MIPEP: variants seen among roughly 807,000 people sequenced by gnomAD.
MIPEP encodes mitochondrial intermediate peptidase.
Under a neutral mutation model 90.3 loss-of-function variants are expected in MIPEP, and 79 were observed. The ratio of observed to expected loss-of-function variants is 0.87; its 90% CI spans 0.73 to 1.05. The LOEUF (loss-of-function observed/expected upper bound fraction) is 1.05, where lower values mean the gene tolerates loss of function less well. Among genes scored for constraint, MIPEP ranks in the 50% least tolerant of loss-of-function variants. The pLI is 0.00. For synonymous variants in MIPEP, 334 were observed against 315.8 expected (o/e 1.06, Z -0.61); for missense variants, 940 against 905.6 (o/e 1.04, Z -0.49).
At chr13:23,881,825 A>T in intron 2 of MIPEP, 38 bp from the exon 3 acceptor site, 1 of 1,502,116 alleles carries the variant, frequency 6.7e-7, no homozygotes, top group South Asian at 1.1e-5. Context: ...AGGGAATTTG[A>T]TGAGAAGCTT....
intron 16 of MIPEP, among the ~76,000 whole-genome samples, chr13:23,799,269 C>A (rs1007902107): frequency 6.6e-6 from 1 of 151,842 alleles, no homozygotes; most frequent in Non-Finnish European, 1.5e-5. Flanking sequence ...CTCGGCCTCC[C>A]AAAGTGCTAG....
At chr13:23,782,605 C>A (rs1039839752) in intron 16 of MIPEP, among the ~76,000 whole-genome samples, 7 of 152,072 alleles carry the variant, frequency 4.6e-5, no homozygotes, top group Non-Finnish European at 8.8e-5. Context: ...TAACCAAGAT[C>A]AGAGAAGAAC....
At chr13:23,819,699 T>G (rs1011306482) in intron 14 of MIPEP, among the ~76,000 whole-genome samples, 2 of 151,912 alleles carry the variant, frequency 1.3e-5, no homozygotes, top group African/African-American at 4.8e-5. Context: ...AATTCTCCAC[T>G]TTTTATTAAA....
At chr13:23,878,047 T>G (rs1871139398) in intron 4 of MIPEP, among the ~76,000 whole-genome samples, 1 of 152,242 alleles carries the variant, frequency 6.6e-6, no homozygotes, top group Non-Finnish European at 1.5e-5. Context: ...AATGGTCTGC[T>G]AGCCCACTAC....
At position 23,774,674 on chromosome 13, in the gene MIPEP, GAACGGT is replaced by G. The variant is rs780101616; in HGVS notation, c.1849-14463_1849-14458del. On this transcript the variant is annotated intron_variant, in intron 16 of 18. Transcript: ENST00000382172. ...ACTCTTCCAGATGCTATTGTAAATA[GAACGGT>G]CTTCTTAATTTAATTTTTAGGTTGT... Among the ~76,000 whole-genome samples, 1,469 of 151,508 alleles carry G rather than the reference GAACGGT, an allele frequency of 9.7e-3. 6 individuals carry two copies. Among genetic ancestry groups the G allele is most frequent in the Middle Eastern group, 0.027 (8 of 292 alleles).
At position 23,770,147 on chromosome 13, in the gene MIPEP, T is replaced by C. The variant is rs1952633214; in HGVS notation, c.1849-9930A>G. 2.0e-5 allele frequency among the ~76,000 whole-genome samples: 3 copies of C among 152,182 alleles called. No homozygotes were observed. The South Asian group carries it at 6.2e-4, about 31-fold the overall frequency. On this transcript the variant is annotated intron_variant, in intron 16 of 18. Coordinates refer to ENST00000382172, the MANE Select transcript of MIPEP (RefSeq NM_005932.4). ...ATGGGCTAGGAAAGGGCCTACTGAC[T>C]TCTTTCATTAAACAGGCAAGCAGAA...
chr13:23,745,786 A>C (rs1017516499), intron 18 of MIPEP, among the ~76,000 whole-genome samples: 1 of 151,668 alleles, frequency 6.6e-6, no homozygotes, highest in African/African-American at 2.4e-5. Flanking sequence ...AAATTAGCGA[A>C]GTGTGGTGGT....
In MIPEP at chr13:23,807,399, A is replaced by T. The variant is rs559865111; in HGVS notation, c.1729-1330T>A. Among the ~76,000 whole-genome samples the T allele has an allele frequency of 9.8e-5, 15 of 152,326 alleles. No homozygotes were observed. In the East Asian group the frequency reaches 2.9e-3, roughly 29 times the overall value. On this transcript the variant is annotated intron_variant, in intron 15 of 18. Transcript: ENST00000382172. ...TGTATCTTTGTGATTCAGAAATGGG[A>T]TTTGTAGAGAATGTGCAGCTGTTGA...
chr13:23,888,815 T>G, intron 1 of MIPEP: 1 of 981,720 alleles, frequency 1.0e-6, no homozygotes, highest in Non-Finnish European at 1.3e-6. Context: ...CCTGAGTGTA[T>G]GCAGAGGGCG....
At chr13:23,847,008 G>T (rs1293691286) in intron 10 of MIPEP, among the ~76,000 whole-genome samples, 1 of 151,990 alleles carries the variant, frequency 6.6e-6, no homozygotes, top group Non-Finnish European at 1.5e-5. Flanking sequence ...CCTTCCCAAG[G>T]CTACGACAAC....
At chr13:23,875,584 G>A (rs1417260047) in intron 4 of MIPEP, among the ~76,000 whole-genome samples, 5 of 150,402 alleles carry the variant, frequency 3.3e-5, no homozygotes, top group Non-Finnish European at 7.4e-5. Flanking sequence ...ACATTGAATG[G>A]AAATAATCAA....
intron 15 of MIPEP, among the ~76,000 whole-genome samples, chr13:23,806,716 A>ATC (rs753384541): frequency 4.1e-5 from 6 of 147,154 alleles, no homozygotes; most frequent in South Asian, 2.2e-4. Flanking sequence ...AAAAAAATCT[A>ATC]TATCTATCTA....
chr13:23,882,196 C>T (rs777891135), intron 2 of MIPEP, among the ~76,000 whole-genome samples: 3 of 151,910 alleles, frequency 2.0e-5, no homozygotes, highest in Admixed American at 6.6e-5. Context: ...CAGCCTCCCA[C>T]GTAGCTGTGA....
At chr13:23,874,503 T>G (rs1238909705) in intron 5 of MIPEP, among the ~76,000 whole-genome samples, 2 of 152,242 alleles carry the variant, frequency 1.3e-5, no homozygotes, top group Admixed American at 6.5e-5. Context: ...TAAGGTCTTA[T>G]GTGATATTCC....
At chr13:23,740,804 G>A (rs940856095) in intron 18 of MIPEP, among the ~76,000 whole-genome samples, 1 of 152,212 alleles carries the variant, frequency 6.6e-6, no homozygotes, top group African/African-American at 2.4e-5. Context: ...TGTGGCAGGA[G>A]GTGTGAGGGG....
intron 10 of MIPEP, among the ~76,000 whole-genome samples, chr13:23,848,088 T>C (rs1422894188): frequency 6.6e-6 from 1 of 152,206 alleles, no homozygotes; most frequent in Non-Finnish European, 1.5e-5. Flanking sequence ...ATTGGTTCCA[T>C]GCTTTGAGCA....
At chr13:23,852,335 A>G (rs1306651237) in intron 10 of MIPEP, among the ~76,000 whole-genome samples, 1 of 152,242 alleles carries the variant, frequency 6.6e-6, no homozygotes, top group Non-Finnish European at 1.5e-5. Flanking sequence ...AGAGTTATGT[A>G]AGAAGATGTT....
intron 14 of MIPEP, among the ~76,000 whole-genome samples, chr13:23,827,710 T>C (rs528288031): frequency 1.3e-5 from 2 of 152,286 alleles, no homozygotes; most frequent in East Asian, 3.9e-4. Flanking sequence ...GGTGGGTGGA[T>C]CAACTGGGGT....
At chr13:23,886,152 T>C (rs1479848719) in intron 2 of MIPEP, among the ~76,000 whole-genome samples, 181 bp downstream of exon 2, 1 of 152,152 alleles carries the variant, frequency 6.6e-6, no homozygotes, top group Non-Finnish European at 1.5e-5. Context: ...CCTTTTCCTA[T>C]AATATTTTCC....
Sources: allele counts gnomAD v4.1 joint callset (sites outside exome capture counted in the v4.1 genomes callset), GRCh38; gene constraint gnomAD v4.1.1; transcripts MANE v1.5; gene names NCBI Gene and HGNC (gene_info 2026-07-23, HGNC 2026-07-21).